Variants in GPR39 observed in about 807,000 individuals in gnomAD.
GPR39 encodes the protein zinc sensing receptor.
In GPR39, 23 loss-of-function variants were observed where a neutral mutation model predicts 18.4. The ratio of observed to expected loss-of-function variants is 1.25; its 90% CI spans 0.90 to 1.77. The LOEUF (loss-of-function observed/expected upper bound fraction) is 1.77. Ranked by LOEUF, GPR39 falls within the 40% of genes most tolerant of loss-of-function variation. GPR39 has a pLI of 0.00. For synonymous variants in GPR39, 280 were observed against 257.9 expected, an observed-to-expected ratio of 1.09 and a Z score of -0.82; for missense variants, 647 against 602.4, an observed-to-expected ratio of 1.07 and a Z score of -0.78.
chr2:132,451,104 G>T (rs1680624117), intron 1 of GPR39, among the ~76,000 whole-genome samples: 1 of 151,942 alleles, frequency 6.6e-6, no homozygotes, highest in Non-Finnish European at 1.5e-5. Flanking sequence ...TGGGGCTGTG[G>T]GAAGCTCTGG....
At chr2:132,425,815 G>T (rs1178801947) in intron 1 of GPR39, among the ~76,000 whole-genome samples, 1 of 152,024 alleles carries the variant, frequency 6.6e-6, no homozygotes, top group East Asian at 1.9e-4. Flanking sequence ...AGAGAATATA[G>T]GTAGGTTCTA....
intron 1 of GPR39, among the ~76,000 whole-genome samples, chr2:132,434,707 C>T (rs1680281410): frequency 6.6e-6 from 1 of 152,160 alleles, no homozygotes; most frequent in African/African-American, 2.4e-5. Flanking sequence ...CAGAAAAAGT[C>T]ATGAAAGCCA....
chr2:132,645,231 G>GGA lies in GPR39; in HGVS notation c.990_991dup (p.Thr331ArgfsTer81), dbSNP rs780597849. On this transcript the variant is annotated frameshift_variant, in exon 2 of 2. Coordinates refer to ENST00000329321, the MANE Select transcript of GPR39 (RefSeq NM_001508.3). LOFTEE classifies it low-confidence loss of function (END_TRUNC). ...CGTACATGATCCTCCTCCCCTTCTC[G>GGA]GAGACGTTTTTCTACCTCAGCTCGG... is the stretch of plus-strand genomic sequence containing the variant. 6.2e-7 allele frequency: 1 copy of GGA among 1,614,128 alleles called. No homozygotes were observed. The highest frequency in any genetic ancestry group is 1.7e-5 in the Admixed American group (1 of 60,020).
At chr2:132,474,185 G>T (rs7581414) in intron 1 of GPR39, among the ~76,000 whole-genome samples, 64,124 of 152,044 alleles carry the variant, frequency 0.42, 15,237 homozygotes, top group Non-Finnish European at 0.54. Flanking sequence ...TCTCAAAGGC[G>T]AAGTTACCCA....
chr2:132,524,301 C>G (rs1416360804), intron 1 of GPR39, among the ~76,000 whole-genome samples: 1 of 152,208 alleles, frequency 6.6e-6, no homozygotes, highest in East Asian at 1.9e-4. Flanking sequence ...GGAGGCTTTA[C>G]CTGGACATGT....
chr2:132,573,864 G>C (rs1680484421), intron 1 of GPR39, among the ~76,000 whole-genome samples: 1 of 152,162 alleles, frequency 6.6e-6, no homozygotes. Context: ...AAAGCCTCTT[G>C]AACTTCAATG....
At position 132,574,035 on chromosome 2, in the gene GPR39, A is replaced by G. The variant is rs556175773; in HGVS notation, c.857-71066A>G. On this transcript the variant is annotated intron_variant, in intron 1 of 1. Transcript: ENST00000329321. ...TTCAGCTTCACATGCTGATATTTTT[A>G]TCATATCATGAACATTGTAAACCAA... is the stretch of plus-strand genomic sequence containing the variant. Among the ~76,000 whole-genome samples the G allele has an allele frequency of 5.3e-4, 81 of 152,352 alleles. 1 individual carries two copies. The highest frequency in any genetic ancestry group is 1.8e-3 in the African/African-American group (76 of 41,590).
intron 1 of GPR39, among the ~76,000 whole-genome samples, chr2:132,579,855 G>A (rs1680594319): frequency 6.6e-6 from 1 of 152,102 alleles, no homozygotes; most frequent in South Asian, 2.1e-4. Flanking sequence ...ATTCTTAGAT[G>A]TTTACCTCAG....
intron 1 of GPR39, among the ~76,000 whole-genome samples, chr2:132,581,926 T>G (rs1055579583): frequency 3.3e-5 from 5 of 152,144 alleles, no homozygotes; most frequent in African/African-American, 1.2e-4. Context: ...GACTGTGGTG[T>G]TGTTTACTGC....
chr2:132,530,808 G>C (rs1340656132), intron 1 of GPR39, among the ~76,000 whole-genome samples: 2 of 152,174 alleles, frequency 1.3e-5, no homozygotes, highest in Non-Finnish European at 2.9e-5. Flanking sequence ...AATGCTGAGA[G>C]ATTTTGTCAC....
At chr2:132,493,166 A>T (rs1558815112) in intron 1 of GPR39, among the ~76,000 whole-genome samples, 1 of 143,226 alleles carries the variant, frequency 7.0e-6, no homozygotes, top group Non-Finnish European at 1.5e-5. Context: ...TATACCATAT[A>T]TACACCATAT....
chr2:132,608,345 C>T (rs1681177971), intron 1 of GPR39, among the ~76,000 whole-genome samples: 1 of 152,202 alleles, frequency 6.6e-6, no homozygotes, highest in Non-Finnish European at 1.5e-5. Context: ...CAATTCCCAG[C>T]TGTCATAGGG....
At chr2:132,447,528 C>A (rs1024237536) in intron 1 of GPR39, among the ~76,000 whole-genome samples, 2 of 152,178 alleles carry the variant, frequency 1.3e-5, no homozygotes, top group African/African-American at 4.8e-5. Context: ...TCCAGGTCCA[C>A]AAATCTCTCA....
intron 1 of GPR39, among the ~76,000 whole-genome samples, chr2:132,547,594 T>C (rs1679973092): frequency 6.6e-6 from 1 of 152,226 alleles, no homozygotes; most frequent in Non-Finnish European, 1.5e-5. Flanking sequence ...TAAACTAGGA[T>C]TAGGAAGTCA....
intron 1 of GPR39, among the ~76,000 whole-genome samples, chr2:132,626,054 C>G (rs1436104726): frequency 6.6e-6 from 1 of 151,084 alleles, no homozygotes; most frequent in Non-Finnish European, 1.5e-5. Context: ...GAGCCGAGAC[C>G]GCACCACTGC....
chr2:132,524,564 G>T (rs1679477548), intron 1 of GPR39, among the ~76,000 whole-genome samples: 1 of 152,128 alleles, frequency 6.6e-6, no homozygotes, highest in South Asian at 2.1e-4. Context: ...TTGGAGGTGG[G>T]CCTAGTGTCT....
At chr2:132,642,704 A>G (rs558523612) in intron 1 of GPR39, among the ~76,000 whole-genome samples, 1 of 152,206 alleles carries the variant, frequency 6.6e-6, no homozygotes, top group African/African-American at 2.4e-5. Context: ...TGTTCAGCTC[A>G]TGGTTAGTAC....
chr2:132,522,057 A>G (rs1459365298), intron 1 of GPR39, among the ~76,000 whole-genome samples: 1 of 152,178 alleles, frequency 6.6e-6, no homozygotes, highest in African/African-American at 2.4e-5. Flanking sequence ...AAACTGTAGC[A>G]TGGAGGCAAG....
intron 1 of GPR39, among the ~76,000 whole-genome samples, chr2:132,591,344 A>G (rs944940110): frequency 1.3e-5 from 2 of 150,226 alleles, no homozygotes; most frequent in African/African-American, 4.9e-5. Context: ...TCTTTCTCCC[A>G]TGCTGGATGC....
Sources: allele counts gnomAD v4.1 joint callset (sites outside exome capture counted in the v4.1 genomes callset), GRCh38; gene constraint gnomAD v4.1.1; transcripts MANE v1.5; gene names NCBI Gene and HGNC (gene_info 2026-07-23, HGNC 2026-07-21).